RIMBP2: variants seen among roughly 807,000 people sequenced by gnomAD.
RIMBP2 encodes RIMS binding protein 2.
Under a neutral mutation model 118.6 loss-of-function variants are expected in RIMBP2, and 48 were observed. The ratio of observed to expected loss-of-function variants is 0.40; its 90% CI spans 0.32 to 0.51. RIMBP2 has a LOEUF of 0.51. RIMBP2 is among the 20% of genes least tolerant of loss of function. The pLI is 0.41. For synonymous variants in RIMBP2, 762 were observed against 742.9 expected, an observed-to-expected ratio of 1.03 and a Z score of -0.42; for missense variants, 1,551 against 1,768.3, an observed-to-expected ratio of 0.88 and a Z score of 2.20.
intron 1 of RIMBP2, among the ~76,000 whole-genome samples, chr12:130,677,143 T>A (rs2064529532): frequency 6.6e-6 from 1 of 152,168 alleles, no homozygotes. Flanking sequence ...GTGGGGGTGC[T>A]GTTGGCATCT....
rs1594136915 is a variant in RIMBP2, at chr12:130,646,370, ACCACC to A, written c.-351-17919_-351-17915del. Among the ~76,000 whole-genome samples, 3 of 38,050 alleles carry A rather than the reference ACCACC, an allele frequency of 7.9e-5. 1 individual carries two copies. Among genetic ancestry groups the A allele is most frequent in the Admixed American group, 4.7e-4 (2 of 4,228 alleles). 25.0% of individuals were successfully genotyped at this position (38,050 alleles called of 152,430 possible). A position where few individuals can be genotyped will look rare whatever the true frequency, so the allele number is the denominator to read the frequency against. On this transcript the variant is annotated intron_variant, in intron 1 of 22. Transcript: ENST00000690449. Reference sequence around the variant, plus strand: ...CACCACCTCCCTCACCACCTCCCTCACCACCTCCCTCACCACCTCCCTCACCACCT... The same window carrying A: ...CACCACCTCCCTCACCACCTCCCTCATCCCTCACCACCTCCCTCACCACCT...
chr12:130,593,271 A>G (rs2059381940), intron 2 of RIMBP2, among the ~76,000 whole-genome samples: 2 of 152,174 alleles, frequency 1.3e-5, no homozygotes, highest in African/African-American at 2.4e-5. Context: ...CCTTTCCGCA[A>G]CAGGGCGTCG....
intron 12 of RIMBP2, among the ~76,000 whole-genome samples, chr12:130,437,924 C>A (rs968943949): frequency 2.0e-5 from 3 of 152,194 alleles, no homozygotes; most frequent in Admixed American, 6.5e-5. Flanking sequence ...GTCCTTGGTT[C>A]CCCACACCAG....
chr12:130,477,960 G>C (rs576734058), intron 5 of RIMBP2, among the ~76,000 whole-genome samples: 1 of 152,292 alleles, frequency 6.6e-6, no homozygotes, highest in South Asian at 2.1e-4. Context: ...CTGGGCTCTG[G>C]AAGGAAATGA....
intron 1 of RIMBP2, among the ~76,000 whole-genome samples, chr12:130,707,949 C>T (rs544393454): frequency 2.6e-5 from 4 of 152,234 alleles, no homozygotes; most frequent in East Asian, 3.9e-4. Flanking sequence ...AGAGACTATA[C>T]GCATTACACA....
At chr12:130,707,915 G>A (rs1488899691) in intron 1 of RIMBP2, among the ~76,000 whole-genome samples, 1 of 152,140 alleles carries the variant, frequency 6.6e-6, no homozygotes, top group African/African-American at 2.4e-5. Context: ...AGAAATGGGG[G>A]GATTGAGAGA....
chr12:130,713,575 C>T (rs1183485323), intron 1 of RIMBP2, among the ~76,000 whole-genome samples: 1 of 152,252 alleles, frequency 6.6e-6, no homozygotes, highest in Non-Finnish European at 1.5e-5. Flanking sequence ...GAATCAGCAG[C>T]TCTGCTTGAT....
At chr12:130,635,874 TCTC>T in intron 1 of RIMBP2, among the ~76,000 whole-genome samples, 1 of 152,000 alleles carries the variant, frequency 6.6e-6, no homozygotes, top group African/African-American at 2.4e-5. Flanking sequence ...TCCCCTGCAT[TCTC>T]CTACTGGGGC....
Position 130,559,385 on chromosome 12 carries a change from T to C in RIMBP2, c.-216-41468A>G, listed in dbSNP as rs548988507. On this transcript the variant is annotated intron_variant, in intron 2 of 22. Transcript: ENST00000690449. ...TCTGCCCCCGTGAGTTCGACTTTTT[T>C]GGATTTCGCCTATGAGTAGATCACG... 5.3e-5 allele frequency among the ~76,000 whole-genome samples: 8 copies of C among 152,298 alleles called. No individual in the cohort carries two copies. The East Asian group carries it at 1.5e-3, about 29-fold the overall frequency.
chr12:130,552,943 G>A (rs2055955946), intron 2 of RIMBP2, among the ~76,000 whole-genome samples: 1 of 151,976 alleles, frequency 6.6e-6, no homozygotes, highest in Non-Finnish European at 1.5e-5. Context: ...ACGAGGTCAG[G>A]AGATCGAGAC....
rs1448042285 is a variant in RIMBP2 at position 130,475,535 on chromosome 12, A to T, written c.102+3377T>A. Among the ~76,000 whole-genome samples the T allele has an allele frequency of 6.6e-6, 1 of 152,170 alleles. No individual in the cohort carries two copies. Among genetic ancestry groups the T allele is most frequent in the Non-Finnish European group, 1.5e-5 (1 of 68,038 alleles). ...GGAAGCTGAGGATGAAAGCACAAAG[A>T]GGCAGGGAGGAGACCCGCAGACGGT... is the stretch of plus-strand genomic sequence containing the variant. On this transcript the variant is annotated intron_variant, in intron 5 of 22. Coordinates refer to ENST00000690449, the MANE Select transcript of RIMBP2 (RefSeq NM_001393629.1). This position sits in a 1 kb window ranked among gnomAD's most constrained non-coding sequence, Gnocchi z 4.1.
Position 130,493,806 on chromosome 12 carries a change from T to A in RIMBP2, c.-4+12842A>T, listed in dbSNP as rs185124326. On this transcript the variant is annotated intron_variant, in intron 4 of 22. Transcript: ENST00000690449. Reference sequence around the variant, plus strand: ...TGAAACCCCATCACAGTGTTCTACATTTTCGTTGAAGTGTCATTTATGTAC... The same window carrying A: ...TGAAACCCCATCACAGTGTTCTACAATTTCGTTGAAGTGTCATTTATGTAC... Among the ~76,000 whole-genome samples, 6 of 152,326 alleles carry A rather than the reference T, an allele frequency of 3.9e-5. No homozygotes were observed. In the East Asian group the frequency reaches 1.2e-3, roughly 29 times the overall value.
At chr12:130,483,812 TACGGTGCCCGGAGCCCCGA>T (rs2082246653) in intron 4 of RIMBP2, among the ~76,000 whole-genome samples, 1 of 66,694 alleles carries the variant, frequency 1.5e-5, no homozygotes, top group African/African-American at 5.8e-5. Flanking sequence ...CCCACCTAGA[TACGGTGCCCGGAGCCCCGA>T]CCCTCACCTA....
chr12:130,435,226 A>T (rs963763639), intron 13 of RIMBP2, among the ~76,000 whole-genome samples: 24 of 152,032 alleles, frequency 1.6e-4, no homozygotes, highest in African/African-American at 5.6e-4. Context: ...TTGTATTTTT[A>T]GTAGAGACAG....
chr12:130,464,513 C>T lies in RIMBP2; in HGVS notation c.153+6180G>A, dbSNP rs190803132. Among the ~76,000 whole-genome samples, 361 of 152,316 alleles carry T rather than the reference C, an allele frequency of 2.4e-3. 4 individuals are homozygous for T. The highest frequency in any genetic ancestry group is 7.9e-3 in the African/African-American group (329 of 41,562). On this transcript the variant is annotated intron_variant, in intron 6 of 22. Coordinates refer to ENST00000690449, the MANE Select transcript of RIMBP2 (RefSeq NM_001393629.1). ...AGGCCCTACGTGATTTCATTGATCA[C>T]TGGCTGAATACCTACTATGTGGCAG...
At chr12:130,483,292 A>T (rs2082185823) in intron 4 of RIMBP2, among the ~76,000 whole-genome samples, 1 of 152,106 alleles carries the variant, frequency 6.6e-6, no homozygotes, top group African/African-American at 2.4e-5. Context: ...CCTCATCCAA[A>T]TACGCCGATT....
intron 2 of RIMBP2, among the ~76,000 whole-genome samples, chr12:130,613,665 T>C (rs940222041): frequency 1.3e-5 from 2 of 151,760 alleles, no homozygotes; most frequent in Non-Finnish European, 2.9e-5. Flanking sequence ...AAGACAAAAA[T>C]TAGCTGGGTG....
rs2078166644 is a variant in RIMBP2, at chr12:130,441,872, C to T, written c.1480G>A (p.Val494Met). The T allele has an allele frequency of 2.5e-6, 4 of 1,613,668 alleles. No homozygotes were observed. Among genetic ancestry groups the T allele is most frequent in the Non-Finnish European group, 3.4e-6 (4 of 1,180,038 alleles). ...LEQREKKEAF[V>M]EFSTLPAGPP... ...CCTGCAGGCAACGTGGAGAACTCCA[C>T]AAAGGCCTCCTTCTTCTCCCTTTGC... Residue 494 changes from valine (V) to methionine (M), a missense_variant, in exon 11 of 23, where the codon GTG becomes ATG. Physicochemically the swap from Val to Met is conservative, Grantham distance 21. Around this residue, in one of 5 missense-constraint regions of RIMBP2, gnomAD observed 1,038 missense variants for 1,125.1 expected, o/e 0.92. Transcript: ENST00000690449.
intron 5 of RIMBP2, among the ~76,000 whole-genome samples, chr12:130,477,116 A>G (rs2081497553): frequency 6.6e-6 from 1 of 152,206 alleles, no homozygotes; most frequent in South Asian, 2.1e-4. Flanking sequence ...TCGCCCCACT[A>G]GTGAAGCATC....
Sources: allele counts gnomAD v4.1 joint callset (sites outside exome capture counted in the v4.1 genomes callset), GRCh38; gene constraint gnomAD v4.1.1; regional missense constraint gnomAD v4.1.1; non-coding constraint Gnocchi (gnomAD v3.1); transcripts MANE v1.5; gene names NCBI Gene and HGNC (gene_info 2026-07-23, HGNC 2026-07-21).